CNKSR3: variants seen among roughly 807,000 people sequenced by gnomAD.
The protein encoded by CNKSR3 is connector enhancer of kinase suppressor of ras 3.
A neutral mutation model predicts 67.7 loss-of-function variants in CNKSR3; 36 were observed. The ratio of observed to expected loss-of-function variants is 0.53; its 90% CI spans 0.41 to 0.70. The LOEUF (loss-of-function observed/expected upper bound fraction) is 0.70. Ranked by LOEUF, CNKSR3 falls within the 30% of genes least tolerant of loss-of-function variation. The pLI is 0.00. For synonymous variants in CNKSR3, 281 were observed against 271.4 expected (o/e 1.04, Z -0.35); for missense variants, 630 against 695.2 (o/e 0.91, Z 1.05).
At chr6:154,437,756 A>G (rs12332787) in intron 4 of CNKSR3, among the ~76,000 whole-genome samples, 63 of 152,114 alleles carry the variant, frequency 4.1e-4, no homozygotes, top group African/African-American at 1.4e-3. Context: ...TGTCAAGAGC[A>G]CTTGTCAAGA....
chr6:154,502,841 G>A (rs988461464), intron 1 of CNKSR3, among the ~76,000 whole-genome samples: 3 of 152,180 alleles, frequency 2.0e-5, no homozygotes, highest in African/African-American at 7.2e-5. Flanking sequence ...AGAGGAAAGA[G>A]AGAAAGCAAG....
At chr6:154,429,143 A>AT (rs1270268111) in intron 6 of CNKSR3, among the ~76,000 whole-genome samples, 5 of 152,056 alleles carry the variant, frequency 3.3e-5, no homozygotes, top group South Asian at 2.1e-4. Flanking sequence ...CCACGTGTAC[A>AT]TTTTTTTTAA....
chr6:154,417,466 T>A (rs554706285), intron 9 of CNKSR3, among the ~76,000 whole-genome samples: 1 of 152,278 alleles, frequency 6.6e-6, no homozygotes, highest in South Asian at 2.1e-4. Context: ...GAATCACCCA[T>A]CACCAGCCTT....
In CNKSR3 at chr6:154,391,574, A is replaced by G. The variant is rs1216115488; in HGVS notation, c.*14780T>C. ...AGACCGAATCTCCAAATACAGTTACATTCTGAGGTACTGGGGTTAGGACTT... is the reference window on the plus strand; with the variant it reads ...AGACCGAATCTCCAAATACAGTTACGTTCTGAGGTACTGGGGTTAGGACTT... On this transcript the variant is annotated 3_prime_UTR_variant, in exon 13 of 13. Transcript: ENST00000607772. The G allele has an allele frequency of 6.6e-6, 1 of 152,362 alleles. No homozygotes were observed. The allele number at this position is 152,362 out of a possible 1,614,324, so 9.4% of individuals were successfully genotyped here. A position where few individuals can be genotyped will look rare whatever the true frequency, so the allele number is the denominator to read the frequency against.
chr6:154,500,678 T>C (rs1010951760), intron 1 of CNKSR3, among the ~76,000 whole-genome samples: 1 of 152,244 alleles, frequency 6.6e-6, no homozygotes, highest in East Asian at 1.9e-4. Context: ...CTATAGTTTC[T>C]AAAGCAAACA....
intron 1 of CNKSR3, 117 bp from the exon 2 acceptor site, chr6:154,450,375 GT>G: frequency 1.9e-6 from 2 of 1,065,866 alleles, no homozygotes; most frequent in South Asian, 3.1e-5. Context: ...CCACTATCTG[GT>G]TATCTATGTG....
At chr6:154,442,494 C>T (rs1217534521) in intron 2 of CNKSR3, among the ~76,000 whole-genome samples, 4 of 151,920 alleles carry the variant, frequency 2.6e-5, no homozygotes, top group East Asian at 3.9e-4. Context: ...TGGTGGCGGG[C>T]GCCTGTAGTC....
intron 1 of CNKSR3, among the ~76,000 whole-genome samples, chr6:154,475,780 G>T (rs573867994): frequency 6.6e-6 from 1 of 152,214 alleles, no homozygotes; most frequent in African/African-American, 2.4e-5. Context: ...AAACTAGAAT[G>T]TAAGTTTCTA....
intron 1 of CNKSR3, among the ~76,000 whole-genome samples, chr6:154,508,263 C>T (rs75780791): frequency 0.013 from 2,023 of 152,196 alleles, 18 homozygotes; most frequent in Non-Finnish European, 0.022. Context: ...TTTAACCTAA[C>T]GTATCAAAAT....
intron 1 of CNKSR3, among the ~76,000 whole-genome samples, chr6:154,491,596 C>A (rs78637675): frequency 0.011 from 1,646 of 152,178 alleles, 40 homozygotes; most frequent in African/African-American, 0.038. Context: ...TTTCTACTTA[C>A]ATGGGTAATT....
intron 2 of CNKSR3, among the ~76,000 whole-genome samples, chr6:154,445,044 T>C (rs1785681301): frequency 1.3e-5 from 2 of 152,014 alleles, no homozygotes; most frequent in African/African-American, 4.8e-5. Flanking sequence ...TGAACAATGG[T>C]AAGTTAAAAA....
chr6:154,457,742 C>T (rs191208814), intron 1 of CNKSR3, among the ~76,000 whole-genome samples: 2 of 152,284 alleles, frequency 1.3e-5, no homozygotes, highest in African/African-American at 4.8e-5. Context: ...GGTGGCCATG[C>T]TCACTCCCTT....
chr6:154,414,794 A>C, intron 9 of CNKSR3: 1 of 501,294 alleles, frequency 2.0e-6, no homozygotes, highest in Non-Finnish European at 4.1e-6. Context: ...GAGTTAGTTC[A>C]TGAAAATTAC....
At chr6:154,424,230 CAAA>C (rs56218677) in intron 7 of CNKSR3, among the ~76,000 whole-genome samples, 7 of 72,974 alleles carry the variant, frequency 9.6e-5, no homozygotes, top group African/African-American at 1.5e-4. Flanking sequence ...GACTCCGTCT[CAAA>C]AAAAAAAAAA....
intron 6 of CNKSR3, among the ~76,000 whole-genome samples, chr6:154,429,667 T>C (rs1000190746): frequency 2.0e-5 from 3 of 152,124 alleles, no homozygotes; most frequent in African/African-American, 7.2e-5. Flanking sequence ...GAGACTGCCT[T>C]AACAGCTCCT....
At chr6:154,490,585 G>C (rs747552834) in intron 1 of CNKSR3, among the ~76,000 whole-genome samples, 1 of 152,162 alleles carries the variant, frequency 6.6e-6, no homozygotes, top group African/African-American at 2.4e-5. Context: ...GGAAGGCCAC[G>C]AAAAGATCTT....
chr6:154,509,560 C>G (rs1244086421), intron 1 of CNKSR3, among the ~76,000 whole-genome samples: 1 of 152,198 alleles, frequency 6.6e-6, no homozygotes, highest in Admixed American at 6.5e-5. Flanking sequence ...CCAACAAAAA[C>G]AGACAGGCTC....
intron 1 of CNKSR3, among the ~76,000 whole-genome samples, chr6:154,490,227 C>T (rs72999362): frequency 0.019 from 2,857 of 152,228 alleles, 38 homozygotes; most frequent in Non-Finnish European, 0.033. Context: ...TGACATTTCC[C>T]CTGGAGATCC....
Position 154,396,538 on chromosome 6 carries a change from G to A in CNKSR3, c.*9816C>T, listed in dbSNP as rs1784662553. On this transcript the variant is annotated 3_prime_UTR_variant, in exon 13 of 13. Transcript: ENST00000607772. ...TTCTCTGCCTACAGAGCAAATATAA[G>A]GGTAAATTATACAGACCCTGCTTTA... 1 of 152,072 alleles carries A rather than the reference G, an allele frequency of 6.6e-6. No individual in the cohort carries two copies. The highest frequency in any genetic ancestry group is 1.5e-5 in the Non-Finnish European group (1 of 68,016). The allele number at this position is 152,072 out of a possible 1,614,324, so 9.4% of individuals were successfully genotyped here. A position where few individuals can be genotyped will look rare whatever the true frequency, so the allele number is the denominator to read the frequency against.
Sources: gnomAD v4.1 joint callset for allele counts (sites outside exome capture counted in the v4.1 genomes callset) on GRCh38, gnomAD v4.1.1 for gene constraint, MANE v1.5 for transcripts, NCBI Gene and HGNC (gene_info 2026-07-23, HGNC 2026-07-21) for gene names.